Variants in TNKS observed in about 807,000 individuals in gnomAD.
The protein encoded by TNKS is poly [ADP-ribose] polymerase tankyrase-1.
In TNKS, 72 loss-of-function variants were observed where a neutral mutation model predicts 135.8. That is an observed-to-expected ratio of 0.53 (90% CI 0.44 to 0.64). The LOEUF is 0.64. Among genes scored for constraint, TNKS ranks in the 30% least tolerant of loss-of-function variants. The probability of loss-of-function intolerance (pLI) is 0.00; values close to 1 mark genes in which losing one functional copy is unlikely to be tolerated. For missense variants in TNKS, 1,769 were observed against 1,674.0 expected (o/e 1.06, Z -0.99); for synonymous variants, 849 against 649.3 (o/e 1.31, Z -4.68).
In TNKS at chr8:9,752,083, T is replaced by C. The variant is rs1253413733; in HGVS notation, c.3070+237T>C. Among the ~76,000 whole-genome samples the C allele has an allele frequency of 2.0e-5, 3 of 152,234 alleles. No homozygotes were observed. In the South Asian group the frequency reaches 6.2e-4, roughly 32 times the overall value. ...ATCTGTTTACAACCATAGCATCTTATTGAACCACTTATACTGAAATTGTGT... is the reference window on the plus strand; with the variant it reads ...ATCTGTTTACAACCATAGCATCTTACTGAACCACTTATACTGAAATTGTGT... On this transcript the variant is annotated intron_variant, in intron 19 of 26. Coordinates refer to ENST00000310430, the MANE Select transcript of TNKS (RefSeq NM_003747.3).
At chr8:9,637,707 G>C (rs1800565255) in intron 3 of TNKS, among the ~76,000 whole-genome samples, 2 of 152,126 alleles carry the variant, frequency 1.3e-5, no homozygotes, top group African/African-American at 4.8e-5. Flanking sequence ...ATAAGGGAAA[G>C]TAAAATGCTC....
At position 9,580,216 on chromosome 8, in the gene TNKS, C is replaced by G. The variant is rs772268750; in HGVS notation, c.731C>G (p.Ala244Gly). 6 of 1,614,130 alleles carry G rather than the reference C, an allele frequency of 3.7e-6. No individual in the cohort carries two copies. The highest frequency in any genetic ancestry group is 5.1e-6 in the Non-Finnish European group (6 of 1,180,040). ...CTACAGATGGGTGCTAATGTCCACG[C>G]TCGTGATGATGGAGGTCTCATCCCG... ...HLLQMGANVH[A>G]RDDGGLIPLH... is the part of the protein sequence containing the mutation. Residue 244 changes from alanine to glycine, a missense_variant, in exon 2 of 27, where the codon GCT (alanine) becomes GGT (glycine). Around this residue, in one of 5 missense-constraint regions of TNKS, gnomAD observed 523 missense variants for 541.0 expected, o/e 0.97. Coordinates refer to ENST00000310430, the MANE Select transcript of TNKS (RefSeq NM_003747.3).
At position 9,766,297 on chromosome 8, in the gene TNKS, A is replaced by G; in HGVS notation, c.3612A>G (p.Ile1204Met). ...HKGFDERHAYIGGMFGAGIYF... is the reference protein window; with the variant it reads ...HKGFDERHAYMGGMFGAGIYF... ...GGTTTGATGAGCGACATGCATACAT[A>G]GGAGGAATGTTTGGGGCCGGGATTT... Residue 1204 changes from isoleucine (I) to methionine (M), a missense_variant, in exon 25 of 27, where the codon ATA becomes ATG. Transcript: ENST00000310430. 2 of 1,613,930 alleles carry G rather than the reference A, an allele frequency of 1.2e-6. No homozygotes were observed. The highest frequency in any genetic ancestry group is 1.7e-6 in the Non-Finnish European group (2 of 1,179,930).
chr8:9,563,067 T>C (rs1463451482), intron 1 of TNKS, among the ~76,000 whole-genome samples: 1 of 152,138 alleles, frequency 6.6e-6, no homozygotes, highest in East Asian at 1.9e-4. Context: ...ACTTGCTCCA[T>C]TTCTTTAATA....
intron 14 of TNKS, 99 bp from the exon 15 acceptor site, chr8:9,733,180 A>G (rs747926122): frequency 3.2e-5 from 37 of 1,144,718 alleles, no homozygotes; most frequent in Non-Finnish European, 4.4e-5. Flanking sequence ...AGTGTTCAGT[A>G]TAGTCAGTAC....
At chr8:9,665,351 A>T (rs887828429) in intron 3 of TNKS, among the ~76,000 whole-genome samples, 1 of 152,224 alleles carries the variant, frequency 6.6e-6, no homozygotes, top group Non-Finnish European at 1.5e-5. Flanking sequence ...TCCTGATTAA[A>T]TGTTCTTGTC....
intron 3 of TNKS, among the ~76,000 whole-genome samples, chr8:9,676,656 T>C (rs1182968097): frequency 1.3e-5 from 2 of 150,286 alleles, no homozygotes; most frequent in East Asian, 3.9e-4. Flanking sequence ...CTTTAACACA[T>C]AAGCCTCGTA....
chr8:9,569,224 C>T (rs1329777529), intron 1 of TNKS, among the ~76,000 whole-genome samples: 1 of 152,134 alleles, frequency 6.6e-6, no homozygotes, highest in African/African-American at 2.4e-5. Flanking sequence ...GTCATCACTC[C>T]CTGGACGACA....
chr8:9,766,528 C>T, intron 25 of TNKS, 103 bp downstream of exon 25: 2 of 1,141,824 alleles, frequency 1.8e-6, no homozygotes, highest in Non-Finnish European at 2.3e-6. Context: ...CTCTTGTCAC[C>T]CAGGCTGGAG....
At chr8:9,726,468 A>G (rs1293442315) in intron 12 of TNKS, among the ~76,000 whole-genome samples, 173 bp from the exon 13 acceptor site, 1 of 152,234 alleles carries the variant, frequency 6.6e-6, no homozygotes, top group Non-Finnish European at 1.5e-5. Context: ...CTAGGTTTGT[A>G]TAACAAATCT....
intron 9 of TNKS, among the ~76,000 whole-genome samples, chr8:9,709,630 G>C (rs570553019): frequency 8.3e-4 from 126 of 152,284 alleles, no homozygotes; most frequent in African/African-American, 2.8e-3. Flanking sequence ...CTTAGTTATA[G>C]ATTTCTGTAG....
At chr8:9,662,195 C>T (rs1563151021) in intron 3 of TNKS, among the ~76,000 whole-genome samples, 1 of 152,152 alleles carries the variant, frequency 6.6e-6, no homozygotes, top group Non-Finnish European at 1.5e-5. Context: ...GGCGATTCCT[C>T]AGGGATCTAG....
At chr8:9,606,888 C>T (rs1259631809) in intron 2 of TNKS, among the ~76,000 whole-genome samples, 1 of 152,008 alleles carries the variant, frequency 6.6e-6, no homozygotes, top group Non-Finnish European at 1.5e-5. Context: ...TGGTTTTAAG[C>T]TTTGTTAGTG....
intron 1 of TNKS, among the ~76,000 whole-genome samples, chr8:9,567,628 A>G (rs964189345): frequency 1.2e-4 from 19 of 152,160 alleles, no homozygotes; most frequent in Non-Finnish European, 2.2e-4. Context: ...CGTGTTAGCG[A>G]GGATGGTCTC....
At chr8:9,759,712 C>T (rs985579606) in intron 20 of TNKS, among the ~76,000 whole-genome samples, 10 of 152,258 alleles carry the variant, frequency 6.6e-5, no homozygotes, top group African/African-American at 2.2e-4. Context: ...CGGTGGCTCA[C>T]GCCTGTAATC....
At chr8:9,776,599 A>G in intron 26 of TNKS, 51 bp from the exon 27 acceptor site, 1 of 1,551,054 alleles carries the variant, frequency 6.4e-7, no homozygotes, top group Non-Finnish European at 8.9e-7. Flanking sequence ...GCAAGGCTTT[A>G]ATATTGTGCC....
intron 1 of TNKS, among the ~76,000 whole-genome samples, chr8:9,570,272 C>G (rs553241329): frequency 1.3e-5 from 2 of 152,020 alleles, no homozygotes; most frequent in Non-Finnish European, 2.9e-5. Flanking sequence ...AGATCCCTGT[C>G]TCTACAAAAA....
intron 5 of TNKS, among the ~76,000 whole-genome samples, chr8:9,696,201 G>A (rs1242744936): frequency 2.6e-5 from 4 of 152,214 alleles, no homozygotes; most frequent in East Asian, 3.9e-4. Flanking sequence ...TAGAAAAGAG[G>A]TTTAAGGACA....
chr8:9,760,768 C>T (rs1410887151), intron 20 of TNKS, among the ~76,000 whole-genome samples: 1 of 152,122 alleles, frequency 6.6e-6, no homozygotes, highest in African/African-American at 2.4e-5. Context: ...TAATCATCTC[C>T]ATTTTACAAG....
Sources: gnomAD v4.1 joint callset for allele counts (sites outside exome capture counted in the v4.1 genomes callset) on GRCh38, gnomAD v4.1.1 for gene constraint, gnomAD v4.1.1 regional missense constraint, MANE v1.5 for transcripts, NCBI Gene and HGNC (gene_info 2026-07-23, HGNC 2026-07-21) for gene names.